The following RALGDS variants were observed in gnomAD, a reference collection of about 807,000 sequenced individuals.
The protein encoded by RALGDS is ral guanine nucleotide exchange factor.
Under a neutral mutation model 99.8 loss-of-function variants are expected in RALGDS, and 44 were observed. The ratio of observed to expected loss-of-function variants is 0.44; its 90% CI spans 0.35 to 0.57. RALGDS has a LOEUF of 0.57. Among genes scored for constraint, RALGDS ranks in the 20% least tolerant of loss-of-function variants. The pLI is 0.01. For missense variants in RALGDS, 1,022 were observed against 1,203.1 expected, an observed-to-expected ratio of 0.85 and a Z score of 2.23; for synonymous variants, 529 against 505.0, an observed-to-expected ratio of 1.05 and a Z score of -0.64.
upstream of RALGDS, among the ~76,000 whole-genome samples, chr9:133,132,052 T>C (rs1588566662): frequency 6.6e-6 from 1 of 152,030 alleles, no homozygotes; most frequent in Non-Finnish European, 1.5e-5. Context: ...GTGCCAGGAG[T>C]GCCATAGCCT....
chr9:133,136,231 C>T (rs1242433846), intron 1 of RALGDS, among the ~76,000 whole-genome samples: 1 of 152,238 alleles, frequency 6.6e-6, no homozygotes, highest in African/African-American at 2.4e-5. Flanking sequence ...AAGGCAAAAA[C>T]AGAACAGGGA....
chr9:133,118,534 C>G (rs1831736511), intron 1 of RALGDS, among the ~76,000 whole-genome samples: 1 of 152,042 alleles, frequency 6.6e-6, no homozygotes, highest in Non-Finnish European at 1.5e-5. Flanking sequence ...CAGTCTTGAC[C>G]CCAAAAGGAG....
In RALGDS at chr9:133,098,016, A is replaced by G. The variant is rs1830582620; in HGVS notation, c.*571T>C. On this transcript the variant is annotated 3_prime_UTR_variant, in exon 18 of 18. Coordinates refer to ENST00000372050, the MANE Select transcript of RALGDS (RefSeq NM_006266.4). Reference sequence around the variant, plus strand: ...ACTCACCGGGTGCAGAGTCTGGTCCATGAAGAGGGTTTCTCTCTCTGCTCC... The same window carrying G: ...ACTCACCGGGTGCAGAGTCTGGTCCGTGAAGAGGGTTTCTCTCTCTGCTCC... 1 of 253,324 alleles carries G rather than the reference A, an allele frequency of 3.9e-6. No homozygotes were observed. The allele number at this position is 253,324 out of a possible 1,614,324, so 15.7% of individuals were successfully genotyped here.
At position 133,098,556 on chromosome 9, in the gene RALGDS, T is replaced by C; in HGVS notation, c.*31A>G. 1 of 1,612,604 alleles carries C rather than the reference T, an allele frequency of 6.2e-7. No individual in the cohort carries two copies. The highest frequency in any genetic ancestry group is 8.5e-7 in the Non-Finnish European group (1 of 1,179,594). On this transcript the variant is annotated 3_prime_UTR_variant, in exon 18 of 18. Coordinates refer to ENST00000372050, the MANE Select transcript of RALGDS (RefSeq NM_006266.4). ...CCACTCTGGTCCATAAGTGCTTGGC[T>C]ACCAGCCAGCCAGACCCTGGGAGGA...
intron 1 of RALGDS, among the ~76,000 whole-genome samples, chr9:133,138,669 G>C (rs1316002594): frequency 6.6e-6 from 1 of 152,232 alleles, no homozygotes; most frequent in East Asian, 1.9e-4. Flanking sequence ...ATCTGAGACA[G>C]AGCCTTGTTC....
chr9:133,104,820 TAAA>T (rs1016539856), intron 9 of RALGDS, among the ~76,000 whole-genome samples: 1 of 151,924 alleles, frequency 6.6e-6, no homozygotes, highest in South Asian at 2.1e-4. Context: ...TCTAAACAAA[TAAA>T]AAAACTCCAC....
At chr9:133,129,521 G>C (rs1832269498) in intron 1 of RALGDS, 1 of 1,167,952 alleles carries the variant, frequency 8.6e-7, no homozygotes, top group Non-Finnish European at 1.1e-6. Context: ...GACGAGTGGA[G>C]AGGCTGCCCC....
chr9:133,138,880 C>G (rs1038838518), intron 1 of RALGDS, among the ~76,000 whole-genome samples: 2 of 152,202 alleles, frequency 1.3e-5, no homozygotes, highest in African/African-American at 4.8e-5. Flanking sequence ...GGTGATCCAC[C>G]TGCCTCGACT....
chr9:133,125,012 A>G (rs973442900), upstream of RALGDS, among the ~76,000 whole-genome samples: 1 of 152,264 alleles, frequency 6.6e-6, no homozygotes. Flanking sequence ...TGGGACAAAC[A>G]ACCCAGTTTC....
At chr9:133,101,321 G>A (rs184922826) in intron 16 of RALGDS, 199 bp downstream of exon 16, 36 of 1,426,564 alleles carry the variant, frequency 2.5e-5, no homozygotes, top group East Asian at 1.9e-4. Flanking sequence ...GGCTTTGCAC[G>A]GCTGCTCCTT....
chr9:133,106,894 G>T (rs1831090797), intron 7 of RALGDS, 146 bp from the exon 8 acceptor site: 2 of 916,128 alleles, frequency 2.2e-6, no homozygotes, highest in East Asian at 5.3e-5. Context: ...GGGGGTGACA[G>T]GAGGATTTTA....
At chr9:133,131,427 A>G (rs1471272372), upstream of RALGDS, among the ~76,000 whole-genome samples, 11 of 152,182 alleles carry the variant, frequency 7.2e-5, no homozygotes, top group South Asian at 2.3e-3. Flanking sequence ...TGTCCCACCC[A>G]GAAGAGAATC....
chr9:133,147,077 G>A (rs1832633965), intron 1 of RALGDS, among the ~76,000 whole-genome samples: 1 of 152,158 alleles, frequency 6.6e-6, no homozygotes, highest in African/African-American at 2.4e-5. Context: ...TTGTCACATA[G>A]CTGTCCACAG....
chr9:133,100,649 C>T, intron 16 of RALGDS: 1 of 1,349,414 alleles, frequency 7.4e-7, no homozygotes, highest in South Asian at 1.5e-5. Flanking sequence ...CTGTAAGAGA[C>T]TGTTCCCTCC....
chr9:133,131,222 G>C, upstream of RALGDS: 5 of 1,258,892 alleles, frequency 4.0e-6, no homozygotes, highest in Non-Finnish European at 5.1e-6. Context: ...ACAGTTCAGG[G>C]CCTGGGAGCT....
At chr9:133,114,594 G>C (rs1402888234) in intron 1 of RALGDS, among the ~76,000 whole-genome samples, 2 of 152,220 alleles carry the variant, frequency 1.3e-5, no homozygotes, top group Admixed American at 1.3e-4. Context: ...GCAGCGCCTG[G>C]GCCCCAGGGC....
At chr9:133,100,131 C>T (rs899150427) in intron 17 of RALGDS, 137 bp downstream of exon 17, 5 of 820,820 alleles carry the variant, frequency 6.1e-6, no homozygotes, top group Non-Finnish European at 1.1e-5. Context: ...ACAATGGGGG[C>T]AGCCAGGGCT....
At chr9:133,124,410 TG>T (rs1322110583), upstream of RALGDS, among the ~76,000 whole-genome samples, 1 of 151,976 alleles carries the variant, frequency 6.6e-6, no homozygotes, top group Non-Finnish European at 1.5e-5. Flanking sequence ...AGGCTGGGTG[TG>T]GTGGCTCATG....
rs2119216648 is a variant in RALGDS, at chr9:133,121,198, G to GGGGGCGGCGGCGCGGCC, written c.-61_-45dup. 1 of 885,268 alleles carries GGGGGCGGCGGCGCGGCC rather than the reference G, an allele frequency of 1.1e-6. No individual in the cohort carries two copies. Among genetic ancestry groups the GGGGGCGGCGGCGCGGCC allele is most frequent in the Non-Finnish European group, 1.4e-6 (1 of 740,672 alleles). The allele number at this position is 885,268 out of a possible 1,614,324, so 54.8% of individuals were successfully genotyped here. A position where few individuals can be genotyped will look rare whatever the true frequency, so the allele number is the denominator to read the frequency against. On this transcript the variant is annotated 5_prime_UTR_variant, in exon 1 of 18. Transcript: ENST00000372050. ...GCGCGGGGCCGGCCCGGCGCGCGGCGGGGGCGGCGGCGCGGCCCGCGCGGC... is the reference window on the plus strand; with the variant it reads ...GCGCGGGGCCGGCCCGGCGCGCGGCGGGGGCGGCGGCGCGGCCGGGGCGGCGGCGCGGCCCGCGCGGC...
Sources: allele counts gnomAD v4.1 joint callset (sites outside exome capture counted in the v4.1 genomes callset), GRCh38; gene constraint gnomAD v4.1.1; transcripts MANE v1.5; gene names NCBI Gene and HGNC (gene_info 2026-07-23, HGNC 2026-07-21).